B4GALT1: variants seen among roughly 807,000 people sequenced by gnomAD.
The protein encoded by B4GALT1 is N-acetyllactosamine synthase.
A neutral mutation model predicts 34.9 loss-of-function variants in B4GALT1; 16 were observed. The ratio of observed to expected loss-of-function variants is 0.46; its 90% CI spans 0.31 to 0.70. The LOEUF (loss-of-function observed/expected upper bound fraction) is 0.70, where lower values mean the gene tolerates loss of function less well. B4GALT1 is among the 30% of genes least tolerant of loss of function. B4GALT1 has a pLI of 0.05. For missense variants in B4GALT1, 445 were observed against 530.5 expected, an observed-to-expected ratio of 0.84 and a Z score of 1.58; for synonymous variants, 221 against 218.1, an observed-to-expected ratio of 1.01 and a Z score of -0.12.
intron 1 of B4GALT1, among the ~76,000 whole-genome samples, chr9:33,146,095 T>C (rs1424478696): frequency 6.6e-6 from 1 of 151,982 alleles, no homozygotes; most frequent in Non-Finnish European, 1.5e-5. Flanking sequence ...TGACTGGGGG[T>C]CACAAGCTTT....
chr9:33,182,818 C>A, the B4GALT1 span, among the ~76,000 whole-genome samples: 18 of 152,200 alleles, frequency 1.2e-4, no homozygotes, highest in African/African-American at 4.3e-4. Flanking sequence ...ATGTCTTCAG[C>A]CATTCCTTAT....
intron 1 of B4GALT1, among the ~76,000 whole-genome samples, chr9:33,151,845 G>A (rs1840521409): frequency 1.3e-5 from 2 of 152,152 alleles, no homozygotes; most frequent in South Asian, 2.1e-4. Context: ...TGCAGCATGA[G>A]AGTTGAACAG....
Position 33,167,126 on chromosome 9 carries a change from G to A in B4GALT1, c.44C>T (p.Pro15Leu), listed in dbSNP as rs1483262347. ...GCAGGCCCGCTGTAGGGACGCGCCT[G>A]GCATCGCGGCGCTGCCGCTCAGGAG... ...EPLLSGSAAM[P>L]GASLQRACRL... The change falls in exon 1 of 6, where the codon CCA becomes CTA. Residue 15 changes from proline to leucine, a missense_variant. Pro to Leu is a moderately conservative substitution (Grantham distance 98). Coordinates refer to ENST00000379731, the MANE Select transcript of B4GALT1 (RefSeq NM_001497.4). 1.9e-6 allele frequency: 3 copies of A among 1,602,648 alleles called. No homozygotes were observed. The highest frequency in any genetic ancestry group is 2.2e-5 in the South Asian group (2 of 90,370).
At chr9:33,164,970 ATTTTTTTTT>A in intron 1 of B4GALT1, among the ~76,000 whole-genome samples, 1 of 107,560 alleles carries the variant, frequency 9.3e-6, no homozygotes, top group South Asian at 3.2e-4. Flanking sequence ...GAGTGCCCGT[ATTTTTTTTT>A]TTTTTTTTTT....
intron 1 of B4GALT1, among the ~76,000 whole-genome samples, chr9:33,146,192 C>T (rs1840422897): frequency 6.6e-6 from 1 of 152,240 alleles, no homozygotes; most frequent in African/African-American, 2.4e-5. Flanking sequence ...TTGGTCCTCA[C>T]TCAAGGGCAG....
At chr9:33,157,908 C>G (rs1435491069) in intron 1 of B4GALT1, among the ~76,000 whole-genome samples, 1 of 152,164 alleles carries the variant, frequency 6.6e-6, no homozygotes, top group Non-Finnish European at 1.5e-5. Context: ...CAAGTGAGAA[C>G]ACTGAGGCAC....
At chr9:33,144,212 A>T (rs1031008150) in intron 1 of B4GALT1, among the ~76,000 whole-genome samples, 1 of 150,682 alleles carries the variant, frequency 6.6e-6, no homozygotes, top group African/African-American at 2.5e-5. Flanking sequence ...TCTTCCTCTT[A>T]ATTTTCTAAG....
In B4GALT1 at chr9:33,135,258, G is replaced by A. The variant is rs1840249855; in HGVS notation, c.579C>T (p.Tyr193=). 2 of 1,614,092 alleles carry A rather than the reference G, an allele frequency of 1.2e-6. No homozygotes were observed. The highest frequency in any genetic ancestry group is 1.1e-5 in the South Asian group (1 of 91,092). The stretch of plus-strand genomic sequence containing the variant: ...GGACTGGGTGCAAATAATATAGCCA[G>A]TACTTGAGGTGCTCCTGCCGGTTGC... ...PFRNRQEHLK[Y]WLYYLHPVLQ... Residue 193 remains tyrosine (Y), a synonymous_variant, in exon 2 of 6, where the codon TAC becomes TAT. Transcript: ENST00000379731.
intron 3 of B4GALT1, among the ~76,000 whole-genome samples, chr9:33,118,060 G>A (rs1335488424): frequency 6.6e-6 from 1 of 152,158 alleles, no homozygotes; most frequent in Non-Finnish European, 1.5e-5. Flanking sequence ...CCCCTTCCTT[G>A]TTCACCACTG....
At position 33,113,596 on chromosome 9, in the gene B4GALT1, A is replaced by T; in HGVS notation, c.1065-10T>A. The T allele has an allele frequency of 6.2e-7, 1 of 1,614,222 alleles. No homozygotes were observed. The highest frequency in any genetic ancestry group is 8.5e-7 in the Non-Finnish European group (1 of 1,180,030). ...TGCAATTCGGTCAAACCTACAAGGA[A>T]AAGAGCACAAGGAGATTGTCTTAAA... is the stretch of plus-strand genomic sequence containing the variant. On this transcript the variant is annotated splice_polypyrimidine_tract_variant and intron_variant, in intron 5 of 5. Transcript: ENST00000379731.
intron 3 of B4GALT1, among the ~76,000 whole-genome samples, chr9:33,118,860 G>T (rs1465553042): frequency 1.4e-5 from 2 of 146,622 alleles, no homozygotes; most frequent in East Asian, 2.0e-4. Context: ...CAACTGATAG[G>T]TTTTTTTTTT....
chr9:33,147,455 C>T lies in B4GALT1; in HGVS notation c.413-12031G>A, dbSNP rs558849584. On this transcript the variant is annotated intron_variant, in intron 1 of 5. Transcript: ENST00000379731. The stretch of plus-strand genomic sequence containing the variant: ...AGAGACAGGGTTTCACCGTGTTGGC[C>T]GGGCTGGTCTTGAACTTCTGACCTC... 1.4e-4 allele frequency among the ~76,000 whole-genome samples: 21 copies of T among 152,220 alleles called. 1 individual carries two copies. Among genetic ancestry groups the T allele is most frequent in the African/African-American group, 5.1e-4 (21 of 41,542 alleles).
At chr9:33,164,072 C>T (rs948920561) in intron 1 of B4GALT1, among the ~76,000 whole-genome samples, 4 of 152,170 alleles carry the variant, frequency 2.6e-5, no homozygotes, top group Admixed American at 2.0e-4. Context: ...CAGTCCAATC[C>T]GGTGCCTTAT....
At chr9:33,120,644 A>G in intron 2 of B4GALT1, 38 bp from the exon 3 acceptor site, 1 of 1,608,996 alleles carries the variant, frequency 6.2e-7, no homozygotes, top group African/African-American at 1.3e-5. Context: ...CAAATGCCTT[A>G]AAGCCTTTGG....
chr9:33,130,212 C>T (rs1840173695), intron 2 of B4GALT1, among the ~76,000 whole-genome samples: 1 of 152,190 alleles, frequency 6.6e-6, no homozygotes, highest in Non-Finnish European at 1.5e-5. Context: ...GGCAATCCCA[C>T]AAACATTCTG....
At chr9:33,157,537 G>A (rs1840613662) in intron 1 of B4GALT1, among the ~76,000 whole-genome samples, 1 of 152,110 alleles carries the variant, frequency 6.6e-6, no homozygotes, top group African/African-American at 2.4e-5. Context: ...AGATAATGTT[G>A]GATAAAAATG....
intron 1 of B4GALT1, among the ~76,000 whole-genome samples, chr9:33,142,414 G>A (rs2770808): frequency 0.57 from 86,484 of 152,006 alleles, 26,130 homozygotes; most frequent in African/African-American, 0.78. Flanking sequence ...CCCATTCCTA[G>A]TAAGGAAGTA....
chr9:33,184,796 G>A, the B4GALT1 span, among the ~76,000 whole-genome samples: 2 of 152,208 alleles, frequency 1.3e-5, no homozygotes, highest in African/African-American at 2.4e-5. Flanking sequence ...GGGCCACACT[G>A]TTTAAGACCT....
In B4GALT1 at chr9:33,167,166, T is replaced by A. The variant is rs1197308130; in HGVS notation, c.4A>T (p.Arg2Trp). Residue 2 changes from arginine (R) to tryptophan (W), a missense_variant, in exon 1 of 6, where the codon AGG (arginine) becomes TGG (tryptophan). By Grantham distance (101) the Arg-to-Trp change is moderately radical. Transcript: ENST00000379731. ...CCGCTCAGGAGCGGCTCCCGAAGCC[T>A]CATCTTCCCGCCGCCGCTTTAAGAA... M[R>W]LREPLLSGSA... 6.3e-7 allele frequency: 1 copy of A among 1,597,404 alleles called. No individual in the cohort carries two copies. The highest frequency in any genetic ancestry group is 1.1e-5 in the South Asian group (1 of 89,826).
Sources: gnomAD v4.1 joint callset for allele counts (sites outside exome capture counted in the v4.1 genomes callset) on GRCh38, gnomAD v4.1.1 for gene constraint, MANE v1.5 for transcripts, NCBI Gene and HGNC (gene_info 2026-07-23, HGNC 2026-07-21) for gene names.